MSH4: variants seen among roughly 807,000 people sequenced by gnomAD.
MSH4 encodes the protein mutS homolog 4.
Under a neutral mutation model 113.7 loss-of-function variants are expected in MSH4, and 106 were observed. The ratio of observed to expected loss-of-function variants is 0.93; its 90% CI spans 0.80 to 1.10. The LOEUF (loss-of-function observed/expected upper bound fraction) is 1.10. MSH4 is among the 50% of genes least tolerant of loss of function. The pLI is 0.00. For missense variants in MSH4, 1,061 were observed against 1,093.7 expected, an observed-to-expected ratio of 0.97 and a Z score of 0.42; for synonymous variants, 368 against 380.2, an observed-to-expected ratio of 0.97 and a Z score of 0.37.
intron 4 of MSH4, among the ~76,000 whole-genome samples, chr1:75,814,697 T>G (rs1483220122): frequency 6.6e-6 from 1 of 151,966 alleles, no homozygotes; most frequent in Non-Finnish European, 1.5e-5. Context: ...ATACAAAAGA[T>G]TACTAAAAGG....
At chr1:75,830,010 G>A (rs547380976) in intron 7 of MSH4, among the ~76,000 whole-genome samples, 35 of 152,026 alleles carry the variant, frequency 2.3e-4, no homozygotes, top group Non-Finnish European at 4.4e-4. Flanking sequence ...GAGGATGGTC[G>A]AACCCATAAC....
chr1:75,823,226 G>A (rs534645202), intron 7 of MSH4, among the ~76,000 whole-genome samples: 2 of 152,240 alleles, frequency 1.3e-5, no homozygotes, highest in South Asian at 4.1e-4. Context: ...GACACTAGTC[G>A]TATTGTATTA....
rs760146124 is a variant in MSH4 at position 75,810,412 on chromosome 1, A to ATTTTTTTTTT, written c.589-272_589-263dup. Among the ~76,000 whole-genome samples the ATTTTTTTTTT allele has an allele frequency of 4.2e-4, 44 of 104,390 alleles. 5 individuals are homozygous for ATTTTTTTTTT. The highest frequency in any genetic ancestry group is 5.5e-4 in the Admixed American group (5 of 9,086). The allele number at this position is 104,390 out of a possible 152,430, so 68.5% of individuals were successfully genotyped here. A position where few individuals can be genotyped will look rare whatever the true frequency, so the allele number is the denominator to read the frequency against. ...ACCACCATGCTCGGGTAATTTTTGT[A>ATTTTTTTTTT]TTTTTTTTTTTTTTTTTTTTTTAGT... On this transcript the variant is annotated intron_variant, in intron 3 of 19. Transcript: ENST00000263187.
At chr1:75,863,541 T>G (rs1012282007) in intron 8 of MSH4, among the ~76,000 whole-genome samples, 2 of 152,202 alleles carry the variant, frequency 1.3e-5, no homozygotes, top group Non-Finnish European at 2.9e-5. Flanking sequence ...AAGGATTATC[T>G]GTAACTGATG....
intron 6 of MSH4, among the ~76,000 whole-genome samples, chr1:75,822,009 C>T (rs748314479): frequency 7.9e-5 from 12 of 151,662 alleles, no homozygotes; most frequent in Admixed American, 5.3e-4. Context: ...TGGCCAGGCG[C>T]GGTGGCTCAC....
intron 7 of MSH4, among the ~76,000 whole-genome samples, chr1:75,830,543 A>G (rs1570954184): frequency 6.6e-6 from 1 of 152,216 alleles, no homozygotes; most frequent in East Asian, 1.9e-4. Flanking sequence ...CCAGAGAGAA[A>G]GGTCAGGTTA....
Position 75,890,699 on chromosome 1 carries a change from G to A in MSH4, c.2230G>A (p.Ala744Thr). 1 of 1,493,384 alleles carries A rather than the reference G, an allele frequency of 6.7e-7. No homozygotes were observed. The highest frequency in any genetic ancestry group is 9.2e-7 in the Non-Finnish European group (1 of 1,088,576). The allele number at this position is 1,493,384 out of a possible 1,614,324, so 92.5% of individuals were successfully genotyped here. Residue 744 changes from alanine to threonine, a missense_variant, in exon 17 of 20, where the codon GCA becomes ACA. Coordinates refer to ENST00000263187, the MANE Select transcript of MSH4 (RefSeq NM_002440.4). ...STFMKEMKEIAYILHNANDKS... is the reference protein window; with the variant it reads ...STFMKEMKEITYILHNANDKS... ...ATATTAAAATTATATATTTCAGATA[G>A]CATATATTCTACATAATGCTAATGA...
chr1:75,878,837 A>G (rs1211555665), intron 11 of MSH4, among the ~76,000 whole-genome samples, 155 bp from the exon 12 acceptor site: 1 of 152,102 alleles, frequency 6.6e-6, no homozygotes, highest in Non-Finnish European at 1.5e-5. Flanking sequence ...TGAAAAAAAA[A>G]AAAAATTATT....
At chr1:75,835,425 A>G (rs1650807003) in intron 7 of MSH4, among the ~76,000 whole-genome samples, 1 of 152,194 alleles carries the variant, frequency 6.6e-6, no homozygotes, top group Non-Finnish European at 1.5e-5. Context: ...TTAGTGTAAT[A>G]CGTAAGTGCC....
chr1:75,859,639 T>C (rs1651407525), intron 8 of MSH4, among the ~76,000 whole-genome samples: 1 of 152,238 alleles, frequency 6.6e-6, no homozygotes. Flanking sequence ...TTTGTTGTGA[T>C]TTCTATTCTT....
At chr1:75,821,515 C>T (rs1311129269) in intron 6 of MSH4, among the ~76,000 whole-genome samples, 1 of 152,048 alleles carries the variant, frequency 6.6e-6, no homozygotes, top group African/African-American at 2.4e-5. Context: ...CAAGAGCAAA[C>T]ACATTCAAAA....
chr1:75,896,735 G>C (rs1652393335), intron 17 of MSH4, among the ~76,000 whole-genome samples: 1 of 151,698 alleles, frequency 6.6e-6, no homozygotes, highest in Non-Finnish European at 1.5e-5. Context: ...CAACAGATAG[G>C]GTCTGAATAA....
Position 75,886,686 on chromosome 1 carries a change from T to C in MSH4, c.2108-2565T>C, listed in dbSNP as rs1463773911. Among the ~76,000 whole-genome samples, 20 of 131,934 alleles carry C rather than the reference T, an allele frequency of 1.5e-4. No homozygotes were observed. In the East Asian group the frequency reaches 4.5e-3, roughly 30 times the overall value. 86.6% of individuals were successfully genotyped at this position (131,934 alleles called of 152,430 possible). On this transcript the variant is annotated intron_variant, in intron 15 of 19. Coordinates refer to ENST00000263187, the MANE Select transcript of MSH4 (RefSeq NM_002440.4). ...TATACATTATACATTATATACATTA[T>C]AATGTATAATATATAAATATATTAT...
At chr1:75,801,894 C>G (rs1242290505) in intron 1 of MSH4, among the ~76,000 whole-genome samples, 1 of 151,896 alleles carries the variant, frequency 6.6e-6, no homozygotes, top group Non-Finnish European at 1.5e-5. Flanking sequence ...ATAGACTGGG[C>G]ATGGTGGCTC....
chr1:75,838,518 G>A (rs1650881906), intron 7 of MSH4, among the ~76,000 whole-genome samples: 1 of 152,040 alleles, frequency 6.6e-6, no homozygotes, highest in African/African-American at 2.4e-5. Flanking sequence ...TCTGGGGGAG[G>A]GTGGTGGTTA....
At chr1:75,797,323 A>T in intron 1 of MSH4, 94 bp downstream of exon 1, 1 of 1,463,780 alleles carries the variant, frequency 6.8e-7, no homozygotes, top group Non-Finnish European at 9.1e-7. Context: ...ACCACAGTGA[A>T]GTTGTGATTT....
chr1:75,801,476 G>C (rs1461802054), intron 1 of MSH4, among the ~76,000 whole-genome samples: 3 of 151,670 alleles, frequency 2.0e-5, no homozygotes, highest in African/African-American at 7.3e-5. Context: ...GCTGAGGCAG[G>C]AGGATTGCTT....
At chr1:75,902,182 C>G (rs1010238185) in intron 19 of MSH4, among the ~76,000 whole-genome samples, 1 of 151,964 alleles carries the variant, frequency 6.6e-6, no homozygotes, top group African/African-American at 2.4e-5. Flanking sequence ...AATAATATAT[C>G]CACATTGCCT....
Position 75,889,313 on chromosome 1 carries a change from A to G in MSH4, c.2170A>G (p.Ser724Gly). ...RIAKQIFTRI[S>G]TDDDIETNSS... ...TGCTAAACAGATTTTTACAAGAATT[A>G]GTACTGATGATGATATCGAAACAAA... The change falls in exon 16 of 20, where the codon AGT (serine) becomes GGT (glycine). Residue 724 changes from serine (S) to glycine (G), a missense_variant. By Grantham distance (56) the Ser-to-Gly change is moderately conservative. Transcript: ENST00000263187. 1 of 1,542,582 alleles carries G rather than the reference A, an allele frequency of 6.5e-7. No homozygotes were observed. The highest frequency in any genetic ancestry group is 1.2e-5 in the South Asian group (1 of 84,158).
Sources: allele counts gnomAD v4.1 joint callset (sites outside exome capture counted in the v4.1 genomes callset), GRCh38; gene constraint gnomAD v4.1.1; transcripts MANE v1.5; gene names NCBI Gene and HGNC (gene_info 2026-07-23, HGNC 2026-07-21).